LACTB2: variants seen among roughly 807,000 people sequenced by gnomAD.
LACTB2 encodes endoribonuclease LACTB2.
A neutral mutation model predicts 34.8 loss-of-function variants in LACTB2; 32 were observed. The ratio of observed to expected loss-of-function variants is 0.92; its 90% CI spans 0.69 to 1.24. LACTB2 has a LOEUF of 1.24. Ranked by LOEUF, LACTB2 falls within the 50% of genes most tolerant of loss-of-function variation. LACTB2 has a pLI of 0.00. For missense variants in LACTB2, 320 were observed against 345.0 expected (o/e 0.93, Z 0.57); for synonymous variants, 120 against 117.5 (o/e 1.02, Z -0.14).
chr8:70,643,517 GTT>G (rs56150459), intron 4 of LACTB2, among the ~76,000 whole-genome samples: 3 of 148,230 alleles, frequency 2.0e-5, no homozygotes, highest in African/African-American at 7.5e-5. Context: ...TAGTTGATAT[GTT>G]TTTTTTTTCC....
chr8:70,645,241 G>T (rs1355372986), intron 3 of LACTB2, among the ~76,000 whole-genome samples: 1 of 152,030 alleles, frequency 6.6e-6, no homozygotes, highest in Admixed American at 6.6e-5. Flanking sequence ...TCAGCCTCCC[G>T]ACTAGTTGGG....
rs1488271356 is a variant in LACTB2 at position 70,637,324 on chromosome 8, T to C, written c.*536A>G. ...ACCAAAAATTCATTTGCATGAATCA[T>C]TTGTGGTATACCAGAATAAGAAAAT... On this transcript the variant is annotated 3_prime_UTR_variant, in exon 7 of 7. Coordinates refer to ENST00000276590, the MANE Select transcript of LACTB2 (RefSeq NM_016027.3). The C allele has an allele frequency of 6.6e-6, 1 of 152,174 alleles. No homozygotes were observed. The highest frequency in any genetic ancestry group is 6.6e-5 in the Admixed American group (1 of 15,264). The allele number at this position is 152,174 out of a possible 1,614,324, so 9.4% of individuals were successfully genotyped here. A position where few individuals can be genotyped will look rare whatever the true frequency, so the allele number is the denominator to read the frequency against.
chr8:70,657,994 T>G (rs1818434008), intron 2 of LACTB2, 112 bp from the exon 3 acceptor site: 3 of 640,944 alleles, frequency 4.7e-6, no homozygotes, highest in Middle Eastern at 9.6e-4. Context: ...ATATTAACAT[T>G]AAGAGACAAC....
chr8:70,637,762 T>C lies in LACTB2; in HGVS notation c.*98A>G, dbSNP rs1182360488. On this transcript the variant is annotated 3_prime_UTR_variant, in exon 7 of 7. Coordinates refer to ENST00000276590, the MANE Select transcript of LACTB2 (RefSeq NM_016027.3). ...AAAGTATATCTAGGGTTATTTTTAATGTTTTATACTTTTATATTCTCTATA... is the reference window on the plus strand; with the variant it reads ...AAAGTATATCTAGGGTTATTTTTAACGTTTTATACTTTTATATTCTCTATA... 4.8e-6 allele frequency: 3 copies of C among 627,998 alleles called. No individual in the cohort carries two copies. Among genetic ancestry groups the C allele is most frequent in the Middle Eastern group, 4.4e-4 (1 of 2,294 alleles). The allele number at this position is 627,998 out of a possible 1,614,324, so 38.9% of individuals were successfully genotyped here. A position where few individuals can be genotyped will look rare whatever the true frequency, so the allele number is the denominator to read the frequency against.
chr8:70,655,198 C>T (rs1224976644), intron 3 of LACTB2, among the ~76,000 whole-genome samples: 2 of 149,822 alleles, frequency 1.3e-5, no homozygotes, highest in African/African-American at 4.9e-5. Context: ...CAGGTCACTA[C>T]AAATGCCGTT....
At chr8:70,653,102 T>C (rs189613584) in intron 3 of LACTB2, among the ~76,000 whole-genome samples, 1 of 152,204 alleles carries the variant, frequency 6.6e-6, no homozygotes, top group Non-Finnish European at 1.5e-5. Context: ...CATGCTATTA[T>C]ATTTTCTTGC....
intron 1 of LACTB2, among the ~76,000 whole-genome samples, chr8:70,667,092 G>C (rs1818539420): frequency 1.3e-5 from 2 of 152,152 alleles, no homozygotes; most frequent in African/African-American, 4.8e-5. Flanking sequence ...ATTATATACT[G>C]AATAACTAAA....
At chr8:70,665,377 T>C (rs1358838072) in intron 1 of LACTB2, among the ~76,000 whole-genome samples, 1 of 152,234 alleles carries the variant, frequency 6.6e-6, no homozygotes, top group African/African-American at 2.4e-5. Context: ...TTTTAATTGA[T>C]GGAAAATTAG....
chr8:70,661,848 A>G lies in LACTB2; in HGVS notation c.172T>C (p.Cys58Arg). The G allele has an allele frequency of 6.2e-7, 1 of 1,613,508 alleles. No individual in the cohort carries two copies. Among genetic ancestry groups the G allele is most frequent in the Non-Finnish European group, 8.5e-7 (1 of 1,179,842 alleles). The change falls in exon 2 of 7, where the codon TGT becomes CGT. Residue 58 changes from cysteine (C) to arginine (R), a missense_variant. By Grantham distance (180) the Cys-to-Arg change is radical (BLOSUM62 -3). Coordinates refer to ENST00000276590, the MANE Select transcript of LACTB2 (RefSeq NM_016027.3). ...AATTCAGTTAGAGCCTGCTTTAAAC[A>G]GCTGATGTATTCTGGAATTGCTGGT... Reference protein sequence around the residue: ...GEPAIPEYISCLKQALTEFNT... With the variant: ...GEPAIPEYISRLKQALTEFNT...
intron 3 of LACTB2, among the ~76,000 whole-genome samples, chr8:70,655,203 G>C (rs1818394676): frequency 6.8e-6 from 1 of 146,564 alleles, no homozygotes. Context: ...CACTACAAAT[G>C]CCGTTAATTA....
intron 1 of LACTB2, among the ~76,000 whole-genome samples, chr8:70,668,345 C>T (rs1259838349): frequency 1.3e-5 from 2 of 152,180 alleles, no homozygotes; most frequent in Admixed American, 1.3e-4. Flanking sequence ...TGCATAATTC[C>T]ACTAAAACAG....
At chr8:70,660,726 T>C (rs1387338206) in intron 2 of LACTB2, 4 of 456,278 alleles carry the variant, frequency 8.8e-6, no homozygotes, top group South Asian at 6.2e-5. Context: ...CACTTTACGC[T>C]CTCTTCCCTT....
intron 3 of LACTB2, among the ~76,000 whole-genome samples, chr8:70,650,638 G>A (rs1818327004): frequency 7.0e-6 from 1 of 142,406 alleles, no homozygotes. Flanking sequence ...TCTAAGGCAA[G>A]AGAATTGCTG....
At chr8:70,657,169 G>A (rs540644390) in intron 3 of LACTB2, among the ~76,000 whole-genome samples, 66 of 152,282 alleles carry the variant, frequency 4.3e-4, no homozygotes, top group African/African-American at 1.6e-3. Context: ...ATATGGGAAA[G>A]CCCTGAATTG....
chr8:70,649,463 A>G (rs574121582), intron 3 of LACTB2, among the ~76,000 whole-genome samples: 1 of 152,228 alleles, frequency 6.6e-6, no homozygotes, highest in Non-Finnish European at 1.5e-5. Flanking sequence ...CAAAATAACA[A>G]AGCAAAAACA....
intron 1 of LACTB2, among the ~76,000 whole-genome samples, chr8:70,666,477 A>T (rs1818533988): frequency 6.6e-6 from 1 of 152,246 alleles, no homozygotes; most frequent in Non-Finnish European, 1.5e-5. Flanking sequence ...AGGGAATCAC[A>T]AACCTCATCT....
rs775359440 is a variant in LACTB2 at position 70,669,050 on chromosome 8, C to A, written c.71G>T (p.Gly24Val). ...RVVRVLGCNP[G>V]PMTLQGTNTY... ...GTTGGTGCCTTGGAGGGTCATGGGA[C>A]CCGGGTTACAGCCCAACACACGCAC... Residue 24 changes from glycine to valine, a missense_variant, in exon 1 of 7, where the codon GGT becomes GTT. Gly to Val is a moderately radical substitution (Grantham distance 109). Coordinates refer to ENST00000276590, the MANE Select transcript of LACTB2 (RefSeq NM_016027.3). 6.2e-7 allele frequency: 1 copy of A among 1,611,476 alleles called. No individual in the cohort carries two copies.
chr8:70,667,951 C>T (rs958712915), intron 1 of LACTB2, among the ~76,000 whole-genome samples: 13 of 152,194 alleles, frequency 8.5e-5, no homozygotes, highest in Admixed American at 3.3e-4. Context: ...ACAGACTGTA[C>T]CCTAGAGATC....
At chr8:70,652,916 A>G (rs1415543114) in intron 3 of LACTB2, among the ~76,000 whole-genome samples, 2 of 152,214 alleles carry the variant, frequency 1.3e-5, no homozygotes, top group Non-Finnish European at 2.9e-5. Flanking sequence ...ATAAACCAGT[A>G]CTGTGATTCC....
Sources: allele counts gnomAD v4.1 joint callset (sites outside exome capture counted in the v4.1 genomes callset), GRCh38; gene constraint gnomAD v4.1.1; transcripts MANE v1.5; gene names NCBI Gene and HGNC (gene_info 2026-07-23, HGNC 2026-07-21).